Variants in MACROD2 observed in about 807,000 individuals in gnomAD.
MACROD2 encodes the protein mono-ADP ribosylhydrolase 2, also known as ADP-ribose glycohydrolase MACROD2.
Under a neutral mutation model 70.4 loss-of-function variants are expected in MACROD2, and 36 were observed. The ratio of observed to expected loss-of-function variants is 0.51; its 90% CI spans 0.39 to 0.68. The LOEUF (loss-of-function observed/expected upper bound fraction) is 0.68, where lower values mean the gene tolerates loss of function less well. MACROD2 is among the 30% of genes least tolerant of loss of function. The probability of loss-of-function intolerance (pLI) is 0.00; values close to 1 mark genes in which losing one functional copy is unlikely to be tolerated. For synonymous variants in MACROD2, 172 were observed against 178.8 expected, an observed-to-expected ratio of 0.96 and a Z score of 0.30; for missense variants, 496 against 538.4, an observed-to-expected ratio of 0.92 and a Z score of 0.78.
intron 2 of MACROD2, among the ~76,000 whole-genome samples, chr20:14,070,809 A>C (rs2053827589): frequency 6.6e-6 from 1 of 152,176 alleles, no homozygotes; most frequent in African/African-American, 2.4e-5. Flanking sequence ...TATGGGGGAA[A>C]GTAAGAATTT....
rs936642623 is a variant in MACROD2, at chr20:15,016,296, C to T, written c.419-213644C>T. On this transcript the variant is annotated intron_variant, in intron 5 of 17. Coordinates refer to ENST00000684519, the MANE Select transcript of MACROD2 (RefSeq NM_001351661.2). ...CAGCAGGGTGCAGTGTATCACTTCT[C>T]GGTCTAGATGACACTTCAAAGTCCC... Among the ~76,000 whole-genome samples, 5 of 152,144 alleles carry T rather than the reference C, an allele frequency of 3.3e-5. 1 individual carries two copies. The South Asian group carries it at 6.2e-4, about 19-fold the overall frequency.
intron 8 of MACROD2, among the ~76,000 whole-genome samples, chr20:15,695,991 G>A (rs1277220030): frequency 6.6e-6 from 1 of 152,192 alleles, no homozygotes; most frequent in Non-Finnish European, 1.5e-5. Context: ...TCAGCAAACA[G>A]TGACAGTTTG....
At chr20:14,698,815 A>G (rs1407922888) in intron 5 of MACROD2, among the ~76,000 whole-genome samples, 1 of 149,654 alleles carries the variant, frequency 6.7e-6, no homozygotes, top group East Asian at 1.9e-4. Context: ...TAAATTTAGT[A>G]TAATTTAATT....
At chr20:14,336,932 T>A (rs1229117623) in intron 3 of MACROD2, among the ~76,000 whole-genome samples, 1 of 152,214 alleles carries the variant, frequency 6.6e-6, no homozygotes, top group African/African-American at 2.4e-5. Context: ...GTAGCTCGGC[T>A]AGCTGTGAGC....
chr20:15,169,083 T>C (rs708976), intron 5 of MACROD2, among the ~76,000 whole-genome samples: 67,233 of 151,914 alleles, frequency 0.44, 16,221 homozygotes, highest in East Asian at 0.72. Flanking sequence ...CAGATGGTGA[T>C]GATTGTTGTA....
intron 11 of MACROD2, among the ~76,000 whole-genome samples, chr20:15,936,119 C>G (rs1048077697): frequency 1.3e-5 from 2 of 151,566 alleles, no homozygotes; most frequent in Non-Finnish European, 1.5e-5. Context: ...GTTCCCCGAC[C>G]CTGCTACTAC....
In MACROD2 at chr20:14,448,702, C is replaced by T. The variant is rs560562454; in HGVS notation, c.272-44777C>T. Among the ~76,000 whole-genome samples, 245 of 150,940 alleles carry T rather than the reference C, an allele frequency of 1.6e-3. 1 individual carries two copies. Among genetic ancestry groups the T allele is most frequent in the Non-Finnish European group, 2.6e-3 (174 of 67,616 alleles). On this transcript the variant is annotated intron_variant, in intron 3 of 17. Transcript: ENST00000684519. Reference sequence around the variant, plus strand: ...AAAGAAAGAAAGAAAGAAAGAAAGGCGGTGAGAGACAAACATAACATTGAC... The same window carrying T: ...AAAGAAAGAAAGAAAGAAAGAAAGGTGGTGAGAGACAAACATAACATTGAC...
At chr20:15,336,339 A>G (rs1275233803) in intron 6 of MACROD2, among the ~76,000 whole-genome samples, 1 of 151,064 alleles carries the variant, frequency 6.6e-6, no homozygotes, top group African/African-American at 2.5e-5. Flanking sequence ...TAACTAAGAG[A>G]AAATTACAAA....
intron 5 of MACROD2, among the ~76,000 whole-genome samples, chr20:15,084,892 G>T (rs1460075328): frequency 1.3e-5 from 2 of 152,048 alleles, no homozygotes; most frequent in Non-Finnish European, 2.9e-5. Flanking sequence ...AATCCTGCTG[G>T]CTTTGGAGAA....
intron 3 of MACROD2, among the ~76,000 whole-genome samples, chr20:14,191,392 T>A (rs765171643): frequency 4.2e-4 from 64 of 152,154 alleles, no homozygotes; most frequent in Non-Finnish European, 2.1e-4. Context: ...TGCAAACAAT[T>A]CCCAAATCTC....
chr20:15,615,828 T>A (rs1315553967), intron 8 of MACROD2, among the ~76,000 whole-genome samples: 2 of 152,152 alleles, frequency 1.3e-5, no homozygotes, highest in African/African-American at 4.8e-5. Context: ...GTGAGAAGCA[T>A]GAGGGAGCCC....
intron 8 of MACROD2, among the ~76,000 whole-genome samples, chr20:15,858,096 T>G (rs1383059840): frequency 7.4e-6 from 1 of 135,432 alleles, no homozygotes; most frequent in East Asian, 2.3e-4. Flanking sequence ...AGTTTTTGCC[T>G]TAATTGATTG....
intron 8 of MACROD2, among the ~76,000 whole-genome samples, chr20:15,583,394 T>C (rs1439272809): frequency 6.6e-6 from 1 of 152,240 alleles, no homozygotes; most frequent in African/African-American, 2.4e-5. Flanking sequence ...CATCCAGCCT[T>C]TTAGCATCGT....
chr20:14,697,223 C>T (rs16994816), intron 5 of MACROD2, among the ~76,000 whole-genome samples: 11,617 of 152,206 alleles, frequency 0.076, 738 homozygotes, highest in South Asian at 0.26. Context: ...CGGGATATGT[C>T]CTACCTATTG....
At chr20:14,459,952 A>G (rs569999613) in intron 3 of MACROD2, among the ~76,000 whole-genome samples, 1 of 151,860 alleles carries the variant, frequency 6.6e-6, no homozygotes, top group East Asian at 1.9e-4. Context: ...TTCAACTCCC[A>G]CTTATGAGTG....
intron 6 of MACROD2, among the ~76,000 whole-genome samples, chr20:15,241,002 T>C (rs1181152003): frequency 1.3e-5 from 2 of 152,216 alleles, no homozygotes; most frequent in South Asian, 2.1e-4. Flanking sequence ...TGGTATTTTG[T>C]ATGGCATCCA....
chr20:15,008,490 G>A (rs74595534), intron 5 of MACROD2, among the ~76,000 whole-genome samples: 3,772 of 152,254 alleles, frequency 0.025, 71 homozygotes, highest in Non-Finnish European at 0.035. Flanking sequence ...GATGTTCATC[G>A]GGGAGAATAA....
At chr20:15,185,852 A>G (rs1208417955) in intron 5 of MACROD2, among the ~76,000 whole-genome samples, 1 of 152,212 alleles carries the variant, frequency 6.6e-6, no homozygotes, top group Non-Finnish European at 1.5e-5. Context: ...ACCATTTATC[A>G]TCAAGTTTCA....
chr20:14,337,616 G>A (rs1438742487), intron 3 of MACROD2: 8 of 398,508 alleles, frequency 2.0e-5, no homozygotes, highest in Non-Finnish European at 3.5e-5. Context: ...ACTGCACACA[G>A]CCCACCTCCA....
Sources: gnomAD v4.1 joint callset for allele counts (sites outside exome capture counted in the v4.1 genomes callset) on GRCh38, gnomAD v4.1.1 for gene constraint, MANE v1.5 for transcripts, NCBI Gene and HGNC (gene_info 2026-07-23, HGNC 2026-07-21) for gene names.